The following PDXDC1 variants were observed in gnomAD, a reference collection of about 807,000 sequenced individuals.
The protein encoded by PDXDC1 is pyridoxal-dependent decarboxylase domain-containing protein 1.
PDXDC1 carries 42 observed loss-of-function variants against 100.1 expected under a neutral mutation model. The observed-to-expected ratio is 0.42, with a 90% CI of 0.33 to 0.54. PDXDC1 has a LOEUF of 0.54. PDXDC1 is among the 20% of genes least tolerant of loss of function. PDXDC1 has a pLI of 0.10. For missense variants in PDXDC1, 636 were observed against 979.2 expected, an observed-to-expected ratio of 0.65 and a Z score of 4.68; for synonymous variants, 260 against 371.7, an observed-to-expected ratio of 0.70 and a Z score of 3.46.
At chr16:15,008,387 G>A (rs547037757) in intron 6 of PDXDC1, among the ~76,000 whole-genome samples, 1,010 of 152,086 alleles carry the variant, frequency 6.6e-3, no homozygotes, top group African/African-American at 0.023. Flanking sequence ...ATAAGATACT[G>A]TTCTTTGAAT....
intron 1 of PDXDC1, among the ~76,000 whole-genome samples, chr16:14,976,300 G>A (rs1966832252): frequency 1.3e-5 from 2 of 152,282 alleles, no homozygotes; most frequent in African/African-American, 4.8e-5. Context: ...TTTTAATTTT[G>A]AGCTGGTAGG....
At chr16:15,074,548 AT>A in intron 16 of PDXDC1, 1 of 460,336 alleles carries the variant, frequency 2.2e-6, no homozygotes, top group Non-Finnish European at 3.8e-6. Context: ...TCCCAGTCCC[AT>A]TTTCAAGCTA....
intron 16 of PDXDC1, among the ~76,000 whole-genome samples, chr16:15,073,243 G>C (rs966550460): frequency 3.9e-5 from 6 of 152,170 alleles, no homozygotes; most frequent in Non-Finnish European, 1.5e-5. Context: ...AAGTGAGAGG[G>C]AGCCCGGGAG....
At position 15,036,116 on chromosome 16, in the gene PDXDC1, C is replaced by G; in HGVS notation, c.2208C>G (p.Ser736=). 1 of 1,614,126 alleles carries G rather than the reference C, an allele frequency of 6.2e-7. No individual in the cohort carries two copies. Among genetic ancestry groups the G allele is most frequent in the South Asian group, 1.1e-5 (1 of 91,082 alleles). ...IEDLEKVERL[S]SGPEQITLEA... ...ACTTAGAAAAGGTGGAGCGCCTATCCAGTGGGCCGGAGCAGATCACCCTCG... is the reference window on the plus strand; with the variant it reads ...ACTTAGAAAAGGTGGAGCGCCTATCGAGTGGGCCGGAGCAGATCACCCTCG... The change falls in exon 23 of 23, where the codon TCC becomes TCG. Residue 736 remains serine (S), a synonymous_variant. Coordinates refer to ENST00000396410, the MANE Select transcript of PDXDC1 (RefSeq NM_015027.4).
intron 1 of PDXDC1, among the ~76,000 whole-genome samples, chr16:14,993,722 A>T (rs1971370417): frequency 6.6e-6 from 1 of 152,306 alleles, no homozygotes. Flanking sequence ...CGCCACACTG[A>T]CTTCCACAAT....
chr16:15,039,548 G>A (rs1189101556), downstream of PDXDC1, among the ~76,000 whole-genome samples: 1 of 152,108 alleles, frequency 6.6e-6, no homozygotes, highest in Non-Finnish European at 1.5e-5. Context: ...TCATTATTTT[G>A]GGTTAATTAA....
At chr16:15,061,785 C>A in intron 16 of PDXDC1, 1 of 1,614,002 alleles carries the variant, frequency 6.2e-7, no homozygotes, top group African/African-American at 1.3e-5. Flanking sequence ...GGTGGGGAGC[C>A]CACACTACTT....
rs780674767 is a variant in PDXDC1 at position 15,036,205 on chromosome 16, C to T, written c.2297C>T (p.Ala766Val). The T allele has an allele frequency of 1.2e-5, 19 of 1,614,070 alleles. 1 individual carries two copies. Among genetic ancestry groups the T allele is most frequent in the South Asian group, 3.3e-5 (3 of 91,088 alleles). ...PSPQHTDQTEAFQKGVPHPED... is the reference protein window; with the variant it reads ...PSPQHTDQTEVFQKGVPHPED... Reference sequence around the variant, plus strand: ...CCTCAGCACACCGACCAGACCGAGGCCTTCCAGAAAGGGGTCCCACACCCA... The same window carrying T: ...CCTCAGCACACCGACCAGACCGAGGTCTTCCAGAAAGGGGTCCCACACCCA... Residue 766 changes from alanine (A) to valine (V), a missense_variant, in exon 23 of 23, where the codon GCC becomes GTC. Physicochemically the swap from Ala to Val is moderately conservative, Grantham distance 64 (BLOSUM62 0). This residue lies in a region of PDXDC1 where 452 missense variants were observed against 402.9 expected (regional missense o/e 1.12). Coordinates refer to ENST00000396410, the MANE Select transcript of PDXDC1 (RefSeq NM_015027.4).
intron 16 of PDXDC1, chr16:15,114,427 AAGTT>A (rs2047171603): frequency 6.3e-7 from 1 of 1,596,076 alleles, no homozygotes; most frequent in African/African-American, 1.3e-5. Flanking sequence ...CCTCTACAGA[AAGTT>A]AGTATACTCA....
chr16:15,092,254 T>C (rs1284271973), intron 16 of PDXDC1, among the ~76,000 whole-genome samples: 1 of 152,128 alleles, frequency 6.6e-6, no homozygotes, highest in Non-Finnish European at 1.5e-5. Context: ...GCTTCGTAAA[T>C]AAAGCATTTG....
intron 1 of PDXDC1, among the ~76,000 whole-genome samples, chr16:14,987,467 G>C (rs1385913370): frequency 6.6e-6 from 1 of 152,286 alleles, no homozygotes; most frequent in African/African-American, 2.4e-5. Context: ...CTGGAATATA[G>C]TAAGCAACCC....
chr16:15,011,140 G>A (rs191962222), intron 8 of PDXDC1, among the ~76,000 whole-genome samples: 2 of 152,290 alleles, frequency 1.3e-5, no homozygotes, highest in Non-Finnish European at 2.9e-5. Context: ...TTTTGAAAAA[G>A]AACAAAATTG....
chr16:15,064,654 A>G (rs987066117), intron 16 of PDXDC1, among the ~76,000 whole-genome samples: 1 of 152,240 alleles, frequency 6.6e-6, no homozygotes, highest in Non-Finnish European at 1.5e-5. Flanking sequence ...ACAAAAAACA[A>G]AAAACCCTTG....
intron 16 of PDXDC1, chr16:15,092,601 G>T (rs202026072): frequency 1.2e-6 from 2 of 1,606,822 alleles, no homozygotes; most frequent in African/African-American, 2.7e-5. Context: ...TCTAATGCAC[G>T]CATATTTGAA....
In PDXDC1 at chr16:15,047,180, G is replaced by A. The variant is rs930436336; in HGVS notation, c.1399+17124G>A. The stretch of plus-strand genomic sequence containing the variant: ...AAAACGATGTGAAAATCGCAACCTC[G>A]ACGTTCCTGAGACGACATCAAGTTC... On this transcript the variant is annotated intron_variant, in intron 16 of 16. Transcript: ENST00000535621. 26 of 499,760 alleles carry A rather than the reference G, an allele frequency of 5.2e-5. No homozygotes were observed. The Admixed American group carries it at 8.1e-4, about 16-fold the overall frequency. The allele number at this position is 499,760 out of a possible 1,614,324, so 31.0% of individuals were successfully genotyped here.
At chr16:14,987,836 A>G (rs1969739862) in intron 1 of PDXDC1, among the ~76,000 whole-genome samples, 1 of 151,906 alleles carries the variant, frequency 6.6e-6, no homozygotes, top group Non-Finnish European at 1.5e-5. Context: ...GGTCTCAAGC[A>G]CCTGGCCTCA....
At chr16:14,981,238 G>C (rs1484973257) in intron 1 of PDXDC1, among the ~76,000 whole-genome samples, 1 of 152,292 alleles carries the variant, frequency 6.6e-6, no homozygotes. Context: ...ATTGCTGGTA[G>C]ATAAAAATCA....
intron 16 of PDXDC1, chr16:15,127,767 G>A: frequency 6.4e-7 from 1 of 1,550,390 alleles, no homozygotes; most frequent in Non-Finnish European, 8.7e-7. Flanking sequence ...CGCAGCAGGT[G>A]GCCCTCTGGA....
chr16:15,148,822 A>G, the PDXDC1 span, among the ~76,000 whole-genome samples: 33 of 152,090 alleles, frequency 2.2e-4, no homozygotes, highest in Admixed American at 1.3e-3. Context: ...GGTGCCCCAC[A>G]TTCCCAACTG....
Sources: allele counts gnomAD v4.1 joint callset (sites outside exome capture counted in the v4.1 genomes callset), GRCh38; gene constraint gnomAD v4.1.1; regional missense constraint gnomAD v4.1.1; transcripts MANE v1.5; gene names NCBI Gene and HGNC (gene_info 2026-07-23, HGNC 2026-07-21).